The following CTIF variants were observed in gnomAD, a reference collection of about 807,000 sequenced individuals.
CTIF encodes cap binding complex dependent translation initiation factor, also known as CBP80/20-dependent translation initiation factor.
CTIF carries 21 observed loss-of-function variants against 66.0 expected under a neutral mutation model. The ratio of observed to expected loss-of-function variants is 0.32; its 90% CI spans 0.23 to 0.46. The LOEUF (loss-of-function observed/expected upper bound fraction) is 0.46, where lower values mean the gene tolerates loss of function less well. Among genes scored for constraint, CTIF ranks in the 20% least tolerant of loss-of-function variants. The pLI, the probability that CTIF is intolerant of heterozygous loss-of-function variation, is 1.00. For synonymous variants in CTIF, 345 were observed against 326.4 expected, an observed-to-expected ratio of 1.06 and a Z score of -0.62; for missense variants, 739 against 812.7, an observed-to-expected ratio of 0.91 and a Z score of 1.10.
intron 1 of CTIF, among the ~76,000 whole-genome samples, chr18:48,589,768 G>A (rs1384257882): frequency 6.6e-6 from 1 of 152,204 alleles, no homozygotes; most frequent in African/African-American, 2.4e-5. Context: ...TTTGTGTGGG[G>A]GGAGCTGGGA....
intron 1 of CTIF, among the ~76,000 whole-genome samples, chr18:48,602,367 G>A (rs1289891534): frequency 6.6e-6 from 1 of 152,252 alleles, no homozygotes; most frequent in Non-Finnish European, 1.5e-5. Context: ...AAAGGTGGAA[G>A]AAATTGCCAG....
rs550898098 is a variant in CTIF, at chr18:48,602,908, G to A, written c.-28-16630G>A. On this transcript the variant is annotated intron_variant, in intron 1 of 11. Coordinates refer to ENST00000256413, the MANE Select transcript of CTIF (RefSeq NM_014772.3). Reference sequence around the variant, plus strand: ...ATGGATAAGAATGGGTGGATGGATGGGTGGATGGCTAGACAGGTGGGTGGG... The same window carrying A: ...ATGGATAAGAATGGGTGGATGGATGAGTGGATGGCTAGACAGGTGGGTGGG... Among the ~76,000 whole-genome samples, 151 of 151,108 alleles carry A rather than the reference G, an allele frequency of 1.0e-3. 1 individual carries two copies. Among genetic ancestry groups the A allele is most frequent in the African/African-American group, 3.3e-3 (137 of 41,148 alleles).
At chr18:48,640,345 A>G (rs993123976) in intron 3 of CTIF, among the ~76,000 whole-genome samples, 3 of 152,220 alleles carry the variant, frequency 2.0e-5, no homozygotes, top group African/African-American at 7.2e-5. Flanking sequence ...GGCGGGCTCT[A>G]CTTCCTCAAC....
chr18:48,674,267 G>A (rs1165413405), intron 6 of CTIF, among the ~76,000 whole-genome samples: 3 of 152,238 alleles, frequency 2.0e-5, no homozygotes, highest in Admixed American at 6.5e-5. Context: ...AGCAAGTGCT[G>A]GTGCCTTGCC....
At chr18:48,685,226 T>C (rs1266977214) in intron 6 of CTIF, among the ~76,000 whole-genome samples, 1 of 147,098 alleles carries the variant, frequency 6.8e-6, no homozygotes, top group Non-Finnish European at 1.5e-5. Context: ...GTTTGTGTAC[T>C]TTTTTTTTTT....
At chr18:48,727,949 G>A (rs1280314763) in intron 7 of CTIF, among the ~76,000 whole-genome samples, 1 of 152,118 alleles carries the variant, frequency 6.6e-6, no homozygotes, top group African/African-American at 2.4e-5. Context: ...GCAAGTCCTG[G>A]ATTTTTTTTT....
Position 48,861,977 on chromosome 18 carries a change from A to AACAAC in CTIF, c.*2421_*2425dup, listed in dbSNP as rs1394941572. 6.9e-6 allele frequency: 1 copy of AACAAC among 145,630 alleles called. No homozygotes were observed. Among genetic ancestry groups the AACAAC allele is most frequent in the Non-Finnish European group, 1.5e-5 (1 of 68,010 alleles). 9.0% of individuals were successfully genotyped at this position (145,630 alleles called of 1,614,324 possible). ...AAAGCGCTTCCTAGCCAATCTGAAC[A>AACAAC]ACAACACTTTAAGCTGTTTTTCTAA... On this transcript the variant is annotated 3_prime_UTR_variant, in exon 12 of 12. Coordinates refer to ENST00000256413, the MANE Select transcript of CTIF (RefSeq NM_014772.3).
intron 1 of CTIF, among the ~76,000 whole-genome samples, chr18:48,605,993 T>C (rs564768485): frequency 1.3e-5 from 2 of 152,338 alleles, no homozygotes; most frequent in South Asian, 2.1e-4. Context: ...TAGGAAACCA[T>C]ACCTGAACCT....
intron 3 of CTIF, among the ~76,000 whole-genome samples, chr18:48,640,896 G>A (rs999701020): frequency 6.6e-6 from 1 of 152,354 alleles, no homozygotes; most frequent in African/African-American, 2.4e-5. Context: ...GAAAGTGGGG[G>A]CAACCTAGAA....
At chr18:48,656,113 T>C (rs564051065) in intron 3 of CTIF, among the ~76,000 whole-genome samples, 1 of 152,360 alleles carries the variant, frequency 6.6e-6, no homozygotes, top group East Asian at 1.9e-4. Flanking sequence ...CTGCAGATGA[T>C]GCACTTCCTC....
At chr18:48,784,466 C>A (rs572883043) in intron 9 of CTIF, among the ~76,000 whole-genome samples, 2 of 152,058 alleles carry the variant, frequency 1.3e-5, no homozygotes, top group Admixed American at 1.3e-4. Context: ...TTGGGAGGGG[C>A]ACTGTTTGCC....
intron 7 of CTIF, among the ~76,000 whole-genome samples, chr18:48,720,741 G>A (rs1384825055): frequency 6.6e-6 from 1 of 152,176 alleles, no homozygotes. Context: ...GATACACCCA[G>A]AGAAAGCCCC....
intron 9 of CTIF, among the ~76,000 whole-genome samples, chr18:48,800,891 C>T (rs756508911): frequency 1.3e-4 from 20 of 152,234 alleles, no homozygotes; most frequent in Non-Finnish European, 2.5e-4. Flanking sequence ...TTTTTCCAAA[C>T]TCAATCTCAG....
intron 6 of CTIF, 117 bp from the exon 7 acceptor site, chr18:48,711,502 C>T (rs2092222924): frequency 3.8e-6 from 3 of 781,240 alleles, no homozygotes; most frequent in African/African-American, 3.5e-5. Flanking sequence ...AGTCTAGTCT[C>T]TCCAAACTCT....
intron 3 of CTIF, among the ~76,000 whole-genome samples, chr18:48,659,593 G>C (rs1384706579): frequency 1.3e-5 from 2 of 152,242 alleles, no homozygotes; most frequent in Non-Finnish European, 2.9e-5. Context: ...CCTCAGCTCT[G>C]AGAATCAGAG....
chr18:48,764,603 G>A (rs1043789471), intron 9 of CTIF, among the ~76,000 whole-genome samples: 10 of 152,156 alleles, frequency 6.6e-5, no homozygotes, highest in African/African-American at 2.4e-4. Context: ...GGCAAGAAGG[G>A]AACCCCCCAC....
rs960906703 is a variant in CTIF at position 48,845,168 on chromosome 18, A to G, written c.1528-12420A>G. On this transcript the variant is annotated intron_variant, in intron 10 of 11. Coordinates refer to ENST00000256413, the MANE Select transcript of CTIF (RefSeq NM_014772.3). ...AGGGGGTTGGGGTTGGGGGTGGGGGAGAGAGAGAGAGAAGAAAGTACAGAA... is the reference window on the plus strand; with the variant it reads ...AGGGGGTTGGGGTTGGGGGTGGGGGGGAGAGAGAGAGAAGAAAGTACAGAA... Among the ~76,000 whole-genome samples, 31 of 151,476 alleles carry G rather than the reference A, an allele frequency of 2.0e-4. No homozygotes were observed. In the South Asian group the frequency reaches 5.5e-3, roughly 27 times the overall value.
intron 1 of CTIF, among the ~76,000 whole-genome samples, chr18:48,545,077 G>A (rs1256451154): frequency 6.6e-6 from 1 of 152,222 alleles, no homozygotes; most frequent in Non-Finnish European, 1.5e-5. Context: ...CTTAATGGAT[G>A]AAAAGGAACT....
intron 6 of CTIF, chr18:48,683,240 A>G (rs2091777691): frequency 6.6e-6 from 1 of 151,950 alleles, no homozygotes; most frequent in Non-Finnish European, 1.5e-5. Flanking sequence ...AAGAACAACA[A>G]GGGAGTAGCA....
Sources: gnomAD v4.1 joint callset for allele counts (sites outside exome capture counted in the v4.1 genomes callset) on GRCh38, gnomAD v4.1.1 for gene constraint, MANE v1.5 for transcripts, NCBI Gene and HGNC (gene_info 2026-07-23, HGNC 2026-07-21) for gene names.